The following GLDC variants were observed in gnomAD, a reference collection of about 807,000 sequenced individuals.
GLDC encodes glycine decarboxylase.
A neutral mutation model predicts 121.3 loss-of-function variants in GLDC; 104 were observed. That is an observed-to-expected ratio of 0.86 (90% CI 0.73 to 1.01). The LOEUF (loss-of-function observed/expected upper bound fraction) is 1.01, where lower values mean the gene tolerates loss of function less well. Ranked by LOEUF, GLDC falls within the 50% of genes least tolerant of loss-of-function variation. The pLI, the probability that GLDC is intolerant of heterozygous loss-of-function variation, is 0.00. For synonymous variants in GLDC, 546 were observed against 480.6 expected (o/e 1.14, Z -1.78); for missense variants, 1,429 against 1,306.6 (o/e 1.09, Z -1.44).
chr9:6,583,984 G>T (rs187315337), intron 15 of GLDC, among the ~76,000 whole-genome samples: 1 of 152,120 alleles, frequency 6.6e-6, no homozygotes, highest in African/African-American at 2.4e-5. Context: ...TATACTTAAT[G>T]CCTCTGAACT....
intron 8 of GLDC, among the ~76,000 whole-genome samples, chr9:6,595,702 G>A (rs1818478755): frequency 6.6e-6 from 1 of 152,160 alleles, no homozygotes; most frequent in Admixed American, 6.5e-5. Context: ...GCGGGGTGGT[G>A]TGCAACTGTA....
intron 2 of GLDC, among the ~76,000 whole-genome samples, chr9:6,620,571 T>G (rs1819071915): frequency 6.6e-6 from 1 of 152,182 alleles, no homozygotes; most frequent in Non-Finnish European, 1.5e-5. Context: ...TATTCGGTTC[T>G]GTTTGCTAGA....
chr9:6,602,008 C>G (rs1212505817), intron 8 of GLDC, 101 bp downstream of exon 8: 1 of 794,180 alleles, frequency 1.3e-6, no homozygotes, highest in Non-Finnish European at 2.2e-6. Context: ...GTGCTCACTG[C>G]TCAGGAGGTG....
intron 3 of GLDC, among the ~76,000 whole-genome samples, chr9:6,618,790 G>T (rs1819016957): frequency 6.6e-6 from 1 of 152,102 alleles, no homozygotes; most frequent in African/African-American, 2.4e-5. Context: ...CACACAATCA[G>T]TGAGGACCAG....
At chr9:6,535,335 C>T (rs911189868) in intron 23 of GLDC, among the ~76,000 whole-genome samples, 8 of 151,168 alleles carry the variant, frequency 5.3e-5, no homozygotes, top group African/African-American at 1.5e-4. Flanking sequence ...GAGTAATAAA[C>T]GGTGGTAAGC....
intron 22 of GLDC, among the ~76,000 whole-genome samples, chr9:6,536,522 TC>T (rs1817133270): frequency 6.6e-6 from 1 of 152,088 alleles, no homozygotes; most frequent in Admixed American, 6.6e-5. Flanking sequence ...GGCTAAACAT[TC>T]AAAAATATTA....
chr9:6,645,472 GC>G lies in GLDC; in HGVS notation c.27del (p.Leu10CysfsTer81), dbSNP rs1414541286. On this transcript the variant is annotated frameshift_variant, in exon 1 of 25. Transcript: ENST00000321612. LOFTEE classifies it high-confidence loss of function. ...CCCCCGACCCCGCGGCCCAGGCGCA[GC>G]CCCCACGCCCTGGCACAGGACTGCA... MQSCARAW[G>X]LRLGRGVGGG... The G allele has an allele frequency of 4.0e-6, 5 of 1,249,714 alleles. No individual in the cohort carries two copies. The South Asian group carries it at 9.6e-5, about 24-fold the overall frequency. 77.4% of individuals were successfully genotyped at this position (1,249,714 alleles called of 1,614,324 possible).
chr9:6,580,614 T>A (rs371498949), intron 15 of GLDC, among the ~76,000 whole-genome samples: 4 of 152,098 alleles, frequency 2.6e-5, no homozygotes, highest in Non-Finnish European at 5.9e-5. Context: ...AGATCCCAAA[T>A]AGAGGAGAGA....
rs765794334 is a variant in GLDC at position 6,645,303 on chromosome 9, C to G, written c.197G>C (p.Arg66Thr). ...GTCTTTGTCCCCAGGGCCGATGTGC[C>G]TCCGAGCGAAGTCGTCGTGTCTGGG... is the stretch of plus-strand genomic sequence containing the variant. ...LLPRHDDFAR[R>T]HIGPGDKDQR... The change falls in exon 1 of 25, where the codon AGG (arginine) becomes ACG (threonine). Residue 66 changes from arginine (R) to threonine (T), a missense_variant. By Grantham distance (71) the Arg-to-Thr change is moderately conservative (BLOSUM62 -1). Coordinates refer to ENST00000321612, the MANE Select transcript of GLDC (RefSeq NM_000170.3). The G allele has an allele frequency of 6.3e-7, 1 of 1,599,254 alleles. No homozygotes were observed. Among genetic ancestry groups the G allele is most frequent in the South Asian group, 1.1e-5 (1 of 88,830 alleles).
intron 3 of GLDC, 92 bp downstream of exon 3, chr9:6,620,092 T>A: frequency 1.6e-6 from 2 of 1,262,890 alleles, no homozygotes; most frequent in Admixed American, 3.4e-5. Flanking sequence ...GGTGTCAGTG[T>A]GGAGGCTCTG....
rs1254608003 is a variant in GLDC at position 6,575,601 on chromosome 9, G to A, written c.1851-10172C>T. On this transcript the variant is annotated intron_variant, in intron 15 of 24. Transcript: ENST00000321612. The stretch of plus-strand genomic sequence containing the variant: ...CACAATTTAAGAATCTTCCCATGAA[G>A]GAGATTCTGGGAAAAGCAATGGCCA... Among the ~76,000 whole-genome samples, 5 of 152,340 alleles carry A rather than the reference G, an allele frequency of 3.3e-5. No individual in the cohort carries two copies. The East Asian group carries it at 9.6e-4, about 29-fold the overall frequency.
chr9:6,532,717 G>A lies in GLDC; in HGVS notation c.*300C>T. The A allele has an allele frequency of 2.5e-6, 1 of 392,280 alleles. No individual in the cohort carries two copies. Among genetic ancestry groups the A allele is most frequent in the Non-Finnish European group, 4.8e-6 (1 of 207,428 alleles). The allele number at this position is 392,280 out of a possible 1,614,324, so 24.3% of individuals were successfully genotyped here. ...CTCCAGGATAGCCTCTATGACATCT[G>A]CAAACTTGCCACATTAAAAGTTAAA... On this transcript the variant is annotated 3_prime_UTR_variant, in exon 25 of 25. Transcript: ENST00000321612.
At chr9:6,607,661 G>A (rs888025041) in intron 4 of GLDC, among the ~76,000 whole-genome samples, 1 of 151,590 alleles carries the variant, frequency 6.6e-6, no homozygotes, top group Non-Finnish European at 1.5e-5. Flanking sequence ...TTGGTGGGGG[G>A]AGAACAGGGT....
chr9:6,570,421 G>A (rs1167963322), intron 15 of GLDC, among the ~76,000 whole-genome samples: 1 of 152,090 alleles, frequency 6.6e-6, no homozygotes, highest in Non-Finnish European at 1.5e-5. Flanking sequence ...TAAATATTCT[G>A]AAAATCATTT....
chr9:6,534,625 C>A lies in GLDC; in HGVS notation c.2919+83G>T, dbSNP rs186554234. 2,241 of 756,476 alleles carry A rather than the reference C, an allele frequency of 3.0e-3. 10 individuals carry two copies. Among genetic ancestry groups the A allele is most frequent in the Non-Finnish European group, 4.3e-3 (1,800 of 416,392 alleles). 46.9% of individuals were successfully genotyped at this position (756,476 alleles called of 1,614,324 possible). On this transcript the variant is annotated intron_variant, in intron 24 of 24. Transcript: ENST00000321612. ...GTGCCCCACATATGGTTTCTGTAAT[C>A]ATGAGGCTAAGAGCGTACACCCGTC...
At chr9:6,553,218 T>C (rs1345116175) in intron 20 of GLDC, 150 bp downstream of exon 20, 8 of 704,418 alleles carry the variant, frequency 1.1e-5, no homozygotes, top group Non-Finnish European at 1.5e-5. Context: ...GGAAGGTTTC[T>C]TCCACCCAGG....
intron 21 of GLDC, chr9:6,541,808 C>G (rs1206047597): frequency 1.9e-5 from 1 of 52,982 alleles, no homozygotes; most frequent in Non-Finnish European, 3.3e-5. Context: ...GCCTGGGAGA[C>G]AAAGCGAGAC....
intron 21 of GLDC, among the ~76,000 whole-genome samples, chr9:6,548,903 G>A (rs1817451710): frequency 7.0e-6 from 1 of 143,448 alleles, no homozygotes; most frequent in Non-Finnish European, 1.5e-5. Flanking sequence ...TAGTTAAAAA[G>A]AAAATATAAC....
chr9:6,621,711 T>A (rs1819098691), intron 2 of GLDC, among the ~76,000 whole-genome samples: 1 of 152,148 alleles, frequency 6.6e-6, no homozygotes, highest in Non-Finnish European at 1.5e-5. Context: ...AGAGATGGGG[T>A]TTCACCATAT....
Sources: gnomAD v4.1 joint callset for allele counts (sites outside exome capture counted in the v4.1 genomes callset) on GRCh38, gnomAD v4.1.1 for gene constraint, MANE v1.5 for transcripts, NCBI Gene and HGNC (gene_info 2026-07-23, HGNC 2026-07-21) for gene names.